Variants in LILRA2 observed in about 807,000 individuals in gnomAD.
LILRA2 encodes leukocyte immunoglobulin like receptor A2.
A neutral mutation model predicts 47.9 loss-of-function variants in LILRA2; 45 were observed. The observed-to-expected ratio is 0.94, with a 90% CI of 0.74 to 1.20. The LOEUF is 1.20. Among genes scored for constraint, LILRA2 ranks in the 50% most tolerant of loss-of-function variants. LILRA2 has a pLI of 0.00. For missense variants in LILRA2, 651 were observed against 598.2 expected (o/e 1.09, Z -0.92); for synonymous variants, 279 against 249.2 (o/e 1.12, Z -1.13).
In LILRA2 at chr19:54,574,482, C is replaced by A; in HGVS notation, c.252C>A (p.Ile84=). The part of the protein sequence containing the change: ...QEPGKNGQFP[I]PSITWEHAGR... ...CTGGGAAGAATGGCCAGTTCCCCAT[C>A]CCATCCATCACCTGGGAACACGCAG... The change falls in exon 3 of 8, where the codon ATC becomes ATA. Residue 84 remains isoleucine, a synonymous_variant. Coordinates refer to ENST00000391738, the MANE Select transcript of LILRA2 (RefSeq NM_001130917.3). 1 of 1,614,150 alleles carries A rather than the reference C, an allele frequency of 6.2e-7. No individual in the cohort carries two copies. Among genetic ancestry groups the A allele is most frequent in the Non-Finnish European group, 8.5e-7 (1 of 1,180,006 alleles).
chr19:54,575,967 C>G lies in LILRA2; in HGVS notation c.1113C>G (p.His371Gln). ...CCCCACTGCATCTGAGATCAGAGCA[C>G]CAAGCTCAGCAGAACCAGGCTGAAT... Reference protein sequence around the residue: ...GHPPLHLRSEHQAQQNQAEFR... With the variant: ...GHPPLHLRSEQQAQQNQAEFR... The change falls in exon 6 of 8, where the codon CAC (histidine) becomes CAG (glutamine). Residue 371 changes from histidine to glutamine, a missense_variant. Physicochemically the swap from His to Gln is conservative, Grantham distance 24 (BLOSUM62 0). Transcript: ENST00000391738. The G allele has an allele frequency of 6.2e-7, 1 of 1,613,996 alleles. No individual in the cohort carries two copies. The highest frequency in any genetic ancestry group is 8.5e-7 in the Non-Finnish European group (1 of 1,179,964).
rs1230925016 is a variant in LILRA2, at chr19:54,588,864, C to T, written c.*1518C>T. 1 of 151,590 alleles carries T rather than the reference C, an allele frequency of 6.6e-6. No individual in the cohort carries two copies. The highest frequency in any genetic ancestry group is 6.6e-5 in the Admixed American group (1 of 15,230). 9.4% of individuals were successfully genotyped at this position (151,590 alleles called of 1,614,324 possible). On this transcript the variant is annotated 3_prime_UTR_variant, in exon 8 of 8. Coordinates refer to ENST00000391738, the MANE Select transcript of LILRA2 (RefSeq NM_001130917.3). The stretch of plus-strand genomic sequence containing the variant: ...ATTTTTAGTAGAGACGGGGGTCTCG[C>T]CATGTTAGTGAGGCTGGTCTTGAAC...
Position 54,587,213 on chromosome 19 carries a change from A to G in LILRA2, c.1319A>G (p.Gln440Arg). The change falls in exon 8 of 8, where the codon CAA (glutamine) becomes CGA (arginine). Residue 440 changes from glutamine (Q) to arginine (R), a missense_variant. Physicochemically the swap from Gln to Arg is conservative, Grantham distance 43. Coordinates refer to ENST00000391738, the MANE Select transcript of LILRA2 (RefSeq NM_001130917.3). ...KTDSTTTSLG[Q>R]HPQDYTVENL... ...CCTCTTTGTCCAGCATCCCTAGGCC[A>G]ACACCCCCAGGATTACACAGTGGAG... is the stretch of plus-strand genomic sequence containing the variant. 5.6e-6 allele frequency: 9 copies of G among 1,613,210 alleles called. No homozygotes were observed. The African/African-American group carries it at 9.3e-5, about 17-fold the overall frequency.
intron 6 of LILRA2, chr19:54,577,357 T>A (rs2062495674): frequency 4.4e-6 from 4 of 917,038 alleles, no homozygotes; most frequent in Non-Finnish European, 5.8e-6. Context: ...CAGGCCTGAC[T>A]TGGACACTGG....
chr19:54,573,070 G>A (rs766402508), upstream of LILRA2: 13 of 217,362 alleles, frequency 6.0e-5, no homozygotes, highest in Non-Finnish European at 7.6e-5. Context: ...TGCAGCCTCC[G>A]CCTCCCAGGC....
At chr19:54,587,124 G>A in intron 7 of LILRA2, 64 bp downstream of exon 7, 4 of 1,610,598 alleles carry the variant, frequency 2.5e-6, no homozygotes, top group Non-Finnish European at 3.4e-6. Flanking sequence ...TAAAGGGGAG[G>A]TGGGTGCCCT....
intron 6 of LILRA2, among the ~76,000 whole-genome samples, chr19:54,580,192 C>CAAAGGGAATACTTCTTTGCCCATTCAA (rs2062600875): frequency 2.7e-5 from 3 of 112,022 alleles, no homozygotes; most frequent in Admixed American, 8.9e-5. Flanking sequence ...TGCCGGTTTT[C>CAAAGGGAATACTTCTTTGCCCATTCAA]TTTTCTTTTT....
intron 6 of LILRA2, among the ~76,000 whole-genome samples, chr19:54,584,719 A>T (rs1428726872): frequency 1.3e-5 from 2 of 152,142 alleles, no homozygotes; most frequent in Admixed American, 6.5e-5. Context: ...GGGTTAGAAC[A>T]TGCTTCTTTA....
intron 6 of LILRA2, among the ~76,000 whole-genome samples, chr19:54,584,089 G>C (rs1209150079): frequency 6.6e-6 from 1 of 152,166 alleles, no homozygotes; most frequent in African/African-American, 2.4e-5. Context: ...TAAGAATGTT[G>C]AATATTGGCC....
chr19:54,586,927 C>A, intron 6 of LILRA2, 83 bp from the exon 7 acceptor site: 1 of 1,021,846 alleles, frequency 9.8e-7, no homozygotes, highest in Non-Finnish European at 1.5e-6. Context: ...AAACTCATGT[C>A]AAGAGACACA....
intron 6 of LILRA2, among the ~76,000 whole-genome samples, chr19:54,581,706 A>G (rs8105566): frequency 0.23 from 34,319 of 149,904 alleles, 6,123 homozygotes; most frequent in African/African-American, 0.48. Context: ...CTCATGGGTA[A>G]GAAGAATCAA....
At chr19:54,573,342 G>A (rs1420272666), upstream of LILRA2, 3 of 662,334 alleles carry the variant, frequency 4.5e-6, no homozygotes, top group Non-Finnish European at 8.3e-6. Context: ...ACACAGCCAG[G>A]TGTCAGGTGC....
intron 6 of LILRA2, among the ~76,000 whole-genome samples, chr19:54,578,722 A>G (rs185031761): frequency 6.6e-6 from 1 of 152,302 alleles, no homozygotes; most frequent in East Asian, 1.9e-4. Context: ...TGGTTGAACT[A>G]ATTTACACTC....
At chr19:54,586,100 C>T (rs1454686758) in intron 6 of LILRA2, among the ~76,000 whole-genome samples, 1 of 152,068 alleles carries the variant, frequency 6.6e-6, no homozygotes, top group East Asian at 1.9e-4. Context: ...AAATTACATG[C>T]CAATATTTCT....
At chr19:54,585,887 C>A (rs962453087) in intron 6 of LILRA2, among the ~76,000 whole-genome samples, 5 of 152,124 alleles carry the variant, frequency 3.3e-5, no homozygotes, top group Admixed American at 3.3e-4. Context: ...CATTCCTATT[C>A]GACCATCTTG....
At chr19:54,584,915 CT>C (rs1384624576) in intron 6 of LILRA2, among the ~76,000 whole-genome samples, 1 of 152,198 alleles carries the variant, frequency 6.6e-6, no homozygotes, top group Non-Finnish European at 1.5e-5. Context: ...GTGGTTTTAT[CT>C]ACCTTTGGTC....
intron 6 of LILRA2, among the ~76,000 whole-genome samples, chr19:54,583,258 T>C (rs2062695866): frequency 6.6e-6 from 1 of 152,206 alleles, no homozygotes; most frequent in Non-Finnish European, 1.5e-5. Context: ...ATTCTGTTGA[T>C]TTGGGGTGTA....
upstream of LILRA2, chr19:54,573,337 G>A (rs1157951231): frequency 2.1e-5 from 14 of 652,532 alleles, no homozygotes; most frequent in Non-Finnish European, 3.7e-5. Flanking sequence ...GAGCTACACA[G>A]CCAGGTGTCA....
rs757517756 is a variant in LILRA2 at position 54,587,219 on chromosome 19, C to A, written c.1325C>A (p.Pro442His). 5,336 of 1,608,764 alleles carry A rather than the reference C, an allele frequency of 3.3e-3. No homozygotes were observed. The South Asian group carries it at 0.045, about 14-fold the overall frequency. Residue 442 changes from proline to histidine, a missense_variant, in exon 8 of 8, where the codon CCC becomes CAC. Transcript: ENST00000391738. ...TGTCCAGCATCCCTAGGCCAACACC[C>A]CCAGGATTACACAGTGGAGAATCTC... ...DSTTTSLGQH[P>H]QDYTVENLIR...
Sources: gnomAD v4.1 joint callset for allele counts (sites outside exome capture counted in the v4.1 genomes callset) on GRCh38, gnomAD v4.1.1 for gene constraint, MANE v1.5 for transcripts, NCBI Gene and HGNC (gene_info 2026-07-23, HGNC 2026-07-21) for gene names.